Variants in RNF32 observed in about 807,000 individuals in gnomAD.
RNF32 encodes ring finger protein 32.
In RNF32, 36 loss-of-function variants were observed where a neutral mutation model predicts 41.0. The ratio of observed to expected loss-of-function variants is 0.88; its 90% CI spans 0.67 to 1.16. The LOEUF (loss-of-function observed/expected upper bound fraction) is 1.16, where lower values mean the gene tolerates loss of function less well. Among genes scored for constraint, RNF32 ranks in the 50% most tolerant of loss-of-function variants. The pLI is 0.00. For missense variants in RNF32, 413 were observed against 436.7 expected (o/e 0.95, Z 0.48); for synonymous variants, 154 against 160.9 (o/e 0.96, Z 0.32).
At chr7:156,648,614 C>A (rs1410300924) in intron 3 of RNF32, among the ~76,000 whole-genome samples, 2 of 152,124 alleles carry the variant, frequency 1.3e-5, no homozygotes, top group Non-Finnish European at 2.9e-5. Context: ...TGGAAAAAAT[C>A]TTGATTGTGC....
chr7:156,668,694 G>A (rs931541555), intron 7 of RNF32, among the ~76,000 whole-genome samples: 1 of 152,198 alleles, frequency 6.6e-6, no homozygotes, highest in African/African-American at 2.4e-5. Flanking sequence ...ATCGTCAGCG[G>A]GGCTTTTCTT....
chr7:156,674,611 G>A (rs1171473788), intron 7 of RNF32, among the ~76,000 whole-genome samples: 1 of 152,152 alleles, frequency 6.6e-6, no homozygotes, highest in East Asian at 1.9e-4. Context: ...GGGAGGCCGA[G>A]GCTGAGTGAG....
intron 3 of RNF32, among the ~76,000 whole-genome samples, chr7:156,648,102 T>C (rs2131372702): frequency 6.6e-6 from 1 of 152,298 alleles, no homozygotes; most frequent in East Asian, 1.9e-4. Context: ...TGAGAATTCT[T>C]CATACTGTTT....
chr7:156,657,665 G>A lies in RNF32; in HGVS notation c.450+92G>A, dbSNP rs1467803227. The A allele has an allele frequency of 7.3e-6, 9 of 1,233,242 alleles. No individual in the cohort carries two copies. The African/African-American group carries it at 8.9e-5, about 12-fold the overall frequency. 76.4% of individuals were successfully genotyped at this position (1,233,242 alleles called of 1,614,324 possible). A position where few individuals can be genotyped will look rare whatever the true frequency, so the allele number is the denominator to read the frequency against. On this transcript the variant is annotated intron_variant, in intron 5 of 8. Coordinates refer to ENST00000317955, the MANE Select transcript of RNF32 (RefSeq NM_030936.4). ...GTCATTTTCAAGGCTCCTAAGGAGAGCCATTTATTTTATTCATCACCACCA... is the reference window on the plus strand; with the variant it reads ...GTCATTTTCAAGGCTCCTAAGGAGAACCATTTATTTTATTCATCACCACCA...
intron 1 of RNF32, among the ~76,000 whole-genome samples, chr7:156,641,996 G>T (rs1309931557): frequency 1.3e-5 from 2 of 152,160 alleles, no homozygotes; most frequent in East Asian, 1.9e-4. Flanking sequence ...TCAGAGATTT[G>T]GTTCCACTGT....
chr7:156,644,872 G>A (rs904918718), intron 3 of RNF32, 115 bp downstream of exon 3: 7 of 1,098,446 alleles, frequency 6.4e-6, no homozygotes, highest in Non-Finnish European at 9.1e-6. Flanking sequence ...ATACAGAGAG[G>A]TGTGTATGTA....
intron 3 of RNF32, among the ~76,000 whole-genome samples, chr7:156,649,845 C>A (rs1286161200): frequency 6.6e-6 from 1 of 152,178 alleles, no homozygotes; most frequent in Non-Finnish European, 1.5e-5. Flanking sequence ...GACGTTTAAC[C>A]ATGGATTACC....
rs1385616706 is a variant in RNF32, at chr7:156,640,795, T to G, written c.-94T>G. On this transcript the variant is annotated 5_prime_UTR_variant, in exon 1 of 9. Transcript: ENST00000317955. ...GGGCAGACGTCCCTGGGTTCCGGTG[T>G]TCGCGGAGGAGTCGAGGCACGGAGA... 1 of 231,734 alleles carries G rather than the reference T, an allele frequency of 4.3e-6. No homozygotes were observed. The highest frequency in any genetic ancestry group is 8.7e-6 in the Non-Finnish European group (1 of 114,928). 14.4% of individuals were successfully genotyped at this position (231,734 alleles called of 1,614,324 possible). A position where few individuals can be genotyped will look rare whatever the true frequency, so the allele number is the denominator to read the frequency against.
chr7:156,649,975 G>A (rs574665127), intron 3 of RNF32, among the ~76,000 whole-genome samples: 6 of 152,296 alleles, frequency 3.9e-5, no homozygotes, highest in Non-Finnish European at 5.9e-5. Flanking sequence ...GGGATGATAT[G>A]TTCCTTAAAA....
chr7:156,653,026 AGTGTAGACT>A (rs1278319088), intron 3 of RNF32, among the ~76,000 whole-genome samples: 1 of 152,210 alleles, frequency 6.6e-6, no homozygotes, highest in Non-Finnish European at 1.5e-5. Flanking sequence ...GTGTAGCGTA[AGTGTAGACT>A]GTTTATGATG....
chr7:156,658,678 G>A (rs1275867008), intron 7 of RNF32, 108 bp downstream of exon 7: 2 of 826,800 alleles, frequency 2.4e-6, no homozygotes, highest in Non-Finnish European at 3.9e-6. Context: ...ACTTCACTTT[G>A]AGGGCTTTTT....
At position 156,659,619 on chromosome 7, in the gene RNF32, T is replaced by G; in HGVS notation, c.684+1049T>G. On this transcript the variant is annotated intron_variant, in intron 7 of 8. Coordinates refer to ENST00000317955, the MANE Select transcript of RNF32 (RefSeq NM_030936.4). Reference sequence around the variant, plus strand: ...TACAGATTTGATAGTCATTTTACCTTATATATATAAATATTTTTCATGTGC... The same window carrying G: ...TACAGATTTGATAGTCATTTTACCTGATATATATAAATATTTTTCATGTGC... 3 of 917,964 alleles carry G rather than the reference T, an allele frequency of 3.3e-6. No individual in the cohort carries two copies. In the South Asian group the frequency reaches 1.5e-4, roughly 46 times the overall value. The allele number at this position is 917,964 out of a possible 1,614,324, so 56.9% of individuals were successfully genotyped here.
At position 156,669,044 on chromosome 7, in the gene RNF32, G is replaced by A. The variant is rs1174610616; in HGVS notation, c.685-6652G>A. The A allele has an allele frequency of 6.6e-6, 1 of 152,210 alleles. No homozygotes were observed. The highest frequency in any genetic ancestry group is 1.5e-5 in the Non-Finnish European group (1 of 68,040). The allele number at this position is 152,210 out of a possible 1,614,324, so 9.4% of individuals were successfully genotyped here. ...TGATATTTGGTTACATAGGGTAAGT[G>A]GATAGTAAAATATAAATTAGACTCA... On this transcript the variant is annotated intron_variant, in intron 7 of 8. Transcript: ENST00000317955. This position sits in a 1 kb window ranked among gnomAD's most constrained non-coding sequence, Gnocchi z 4.2.
intron 3 of RNF32, among the ~76,000 whole-genome samples, chr7:156,652,623 T>A (rs1798899672): frequency 6.6e-6 from 1 of 152,218 alleles, no homozygotes; most frequent in Non-Finnish European, 1.5e-5. Flanking sequence ...TCATGACGTC[T>A]TGATGACTCT....
chr7:156,654,580 G>C lies in RNF32; in HGVS notation c.279G>C (p.Gln93His). 6.2e-7 allele frequency: 1 copy of C among 1,613,850 alleles called. No homozygotes were observed. Among genetic ancestry groups the C allele is most frequent in the Non-Finnish European group, 8.5e-7 (1 of 1,179,764 alleles). ...DPKPPPLTLA[Q>H]KLGLIGPPPP... is the part of the protein sequence containing the mutation. The stretch of plus-strand genomic sequence containing the variant: ...TCCTGTGCTGTCTTACTTTAGCACA[G>C]AAGTTGGGCCTCATTGGGCCTCCAC... Residue 93 changes from glutamine (Q) to histidine (H), a missense_variant, in exon 4 of 9, where the codon CAG becomes CAC. Gln to His is a conservative substitution (Grantham distance 24, BLOSUM62 0). Coordinates refer to ENST00000317955, the MANE Select transcript of RNF32 (RefSeq NM_030936.4).
intron 7 of RNF32, among the ~76,000 whole-genome samples, chr7:156,663,753 C>T (rs552847529): frequency 6.6e-6 from 1 of 152,228 alleles, no homozygotes; most frequent in Admixed American, 6.5e-5. Context: ...TAGAAAGTCA[C>T]ACATCTCAGC....
At chr7:156,658,602 G>A in intron 7 of RNF32, 32 bp downstream of exon 7, 2 of 1,414,810 alleles carry the variant, frequency 1.4e-6, no homozygotes, top group Non-Finnish European at 2.0e-6. Context: ...CTCCAGATAT[G>A]GTCTCCGTGC....
At chr7:156,668,725 T>TA (rs1350583105) in intron 7 of RNF32, among the ~76,000 whole-genome samples, 1 of 152,194 alleles carries the variant, frequency 6.6e-6, no homozygotes, top group Non-Finnish European at 1.5e-5. Context: ...AGCTCTCTGT[T>TA]AAAGGAACCA....
At chr7:156,642,661 C>T (rs1415516385) in intron 1 of RNF32, among the ~76,000 whole-genome samples, 1 of 152,244 alleles carries the variant, frequency 6.6e-6, no homozygotes, top group South Asian at 2.1e-4. Flanking sequence ...CCAGGCAGCT[C>T]AGGACCAAGG....
Sources: gnomAD v4.1 joint callset for allele counts (sites outside exome capture counted in the v4.1 genomes callset) on GRCh38, gnomAD v4.1.1 for gene constraint, Gnocchi (gnomAD v3.1) non-coding constraint, MANE v1.5 for transcripts, NCBI Gene and HGNC (gene_info 2026-07-23, HGNC 2026-07-21) for gene names.